Variants in TRPM8 observed in about 807,000 individuals in gnomAD.
TRPM8 encodes the protein transient receptor potential cation channel subfamily M member 8.
In TRPM8, 110 loss-of-function variants were observed where a neutral mutation model predicts 133.7. That is an observed-to-expected ratio of 0.82 (90% CI 0.70 to 0.96). TRPM8 has a LOEUF of 0.96. Ranked by LOEUF, TRPM8 falls within the 40% of genes least tolerant of loss-of-function variation. The pLI is 0.00. For synonymous variants in TRPM8, 535 were observed against 532.3 expected, an observed-to-expected ratio of 1.01 and a Z score of -0.07; for missense variants, 1,291 against 1,379.5, an observed-to-expected ratio of 0.94 and a Z score of 1.02.
chr2:233,943,107 T>C (rs1362492811), intron 6 of TRPM8: 6 of 353,968 alleles, frequency 1.7e-5, no homozygotes, highest in Non-Finnish European at 3.0e-5. Flanking sequence ...AGGATGGCTA[T>C]GTTTTTTTTT....
At chr2:233,927,914 C>CTT (rs1691592045) in intron 2 of TRPM8, among the ~76,000 whole-genome samples, 2 of 52,696 alleles carry the variant, frequency 3.8e-5, no homozygotes, top group Admixed American at 2.3e-4. Flanking sequence ...TTCTTTCTCT[C>CTT]TCTCTCTCTT....
intron 7 of TRPM8, 112 bp from the exon 8 acceptor site, chr2:233,946,976 A>G (rs757042110): frequency 1.7e-5 from 15 of 875,190 alleles, no homozygotes; most frequent in Non-Finnish European, 2.2e-5. Flanking sequence ...ATGTGAAGCT[A>G]TCTCTCCACA....
chr2:234,018,233 T>A lies in TRPM8; in HGVS notation c.*977T>A, dbSNP rs959176202. On this transcript the variant is annotated 3_prime_UTR_variant, in exon 26 of 26. Transcript: ENST00000324695. ...ACTTAGTATTTTATCAAATATGTTT[T>A]TATTATATTCATAGCCTTCTTAAAC... 1 of 152,096 alleles carries A rather than the reference T, an allele frequency of 6.6e-6. No homozygotes were observed. The highest frequency in any genetic ancestry group is 2.4e-5 in the African/African-American group (1 of 41,444). 9.4% of individuals were successfully genotyped at this position (152,096 alleles called of 1,614,324 possible). A position where few individuals can be genotyped will look rare whatever the true frequency, so the allele number is the denominator to read the frequency against.
rs1559516708 is a variant in TRPM8, at chr2:233,927,928, C to CTT, written c.117+1275_117+1276insTT. Among the ~76,000 whole-genome samples the CTT allele has an allele frequency of 9.3e-4, 41 of 44,240 alleles. 3 individuals are homozygous for CTT. Among genetic ancestry groups the CTT allele is most frequent in the South Asian group, 6.0e-3 (8 of 1,330 alleles). The allele number at this position is 44,240 out of a possible 152,430, so 29.0% of individuals were successfully genotyped here. A position where few individuals can be genotyped will look rare whatever the true frequency, so the allele number is the denominator to read the frequency against. ...TTTCTTTCTCTCTCTCTCTCTTTCTCTCTCTCTCTCTCTCTCTCTCTCTCT... is the reference window on the plus strand; with the variant it reads ...TTTCTTTCTCTCTCTCTCTCTTTCTCTTTCTCTCTCTCTCTCTCTCTCTCTCT... On this transcript the variant is annotated intron_variant, in intron 2 of 25. Coordinates refer to ENST00000324695, the MANE Select transcript of TRPM8 (RefSeq NM_024080.5).
intron 14 of TRPM8, among the ~76,000 whole-genome samples, chr2:233,966,304 C>T (rs1574735657): frequency 6.6e-6 from 1 of 152,142 alleles, no homozygotes; most frequent in African/African-American, 2.4e-5. Context: ...GGCTGAGGCT[C>T]TTCTGCCTGA....
At position 233,989,510 on chromosome 2, in the gene TRPM8, G is replaced by T. The variant is rs772899491; in HGVS notation, c.2939+3645G>T. On this transcript the variant is annotated intron_variant, in intron 21 of 25. Transcript: ENST00000324695. This position sits in a 1 kb window ranked among gnomAD's most constrained non-coding sequence, Gnocchi z 4.2. ...TGGGGACACCAGAACAGCGAGAGAC[G>T]CCGTGTTGTTATCCTTAGGTTAAAT... Among the ~76,000 whole-genome samples the T allele has an allele frequency of 6.6e-6, 1 of 152,150 alleles. No individual in the cohort carries two copies. Among genetic ancestry groups the T allele is most frequent in the African/African-American group, 2.4e-5 (1 of 41,420 alleles).
chr2:233,927,930 C>CTCTCTT (rs1691595382), intron 2 of TRPM8, among the ~76,000 whole-genome samples: 2 of 50,044 alleles, frequency 4.0e-5, no homozygotes, highest in African/African-American at 1.9e-4. Flanking sequence ...CTCTTTCTCT[C>CTCTCTT]TCTCTCTCTC....
chr2:233,927,910 C>CTT (rs1383928374), intron 2 of TRPM8, among the ~76,000 whole-genome samples: 475 of 37,856 alleles, frequency 0.013, 27 homozygotes, highest in East Asian at 0.059. Context: ...TTCTTTCTTT[C>CTT]TCTCTCTCTC....
At chr2:233,949,902 T>C in intron 8 of TRPM8, 47 bp from the exon 9 acceptor site, 1 of 1,592,036 alleles carries the variant, frequency 6.3e-7, no homozygotes, top group Non-Finnish European at 8.6e-7. Flanking sequence ...AGCTGGGTTC[T>C]GTGGACCAAG....
intron 17 of TRPM8, 191 bp from the exon 18 acceptor site, chr2:233,979,997 G>A: frequency 1.7e-6 from 1 of 596,872 alleles, no homozygotes; most frequent in South Asian, 2.2e-5. Flanking sequence ...CAGCCAGTGT[G>A]CTACCTACTT....
At position 233,985,810 on chromosome 2, in the gene TRPM8, A is replaced by T; in HGVS notation, c.2884A>T (p.Ile962Phe). 6 of 1,614,196 alleles carry T rather than the reference A, an allele frequency of 3.7e-6. No individual in the cohort carries two copies. Among genetic ancestry groups the T allele is most frequent in the Non-Finnish European group, 5.1e-6 (6 of 1,180,022 alleles). Residue 962 changes from isoleucine to phenylalanine, a missense_variant, in exon 21 of 26, where the codon ATC becomes TTC. Ile to Phe is a conservative substitution (Grantham distance 21). Around this residue, in one of 2 missense-constraint regions of TRPM8, gnomAD observed 328 missense variants for 410.6 expected, o/e 0.80. Transcript: ENST00000324695. Reference protein sequence around the residue: ...PEWITIPLVCIYMLSTNILLV... With the variant: ...PEWITIPLVCFYMLSTNILLV... Reference sequence around the variant, plus strand: ...GTGGATCACCATCCCCCTGGTGTGCATCTACATGTTATCCACCAACATCCT... The same window carrying T: ...GTGGATCACCATCCCCCTGGTGTGCTTCTACATGTTATCCACCAACATCCT...
intron 17 of TRPM8, among the ~76,000 whole-genome samples, chr2:233,976,683 A>G (rs779705578): frequency 6.6e-6 from 1 of 152,122 alleles, no homozygotes; most frequent in Non-Finnish European, 1.5e-5. Context: ...CTTTTAACTC[A>G]GCAATCCTGG....
chr2:233,995,866 G>A (rs1450327431), intron 21 of TRPM8, among the ~76,000 whole-genome samples: 2 of 151,874 alleles, frequency 1.3e-5, no homozygotes. Flanking sequence ...AAGTCATTGG[G>A]TCAAAGGGAT....
rs1355317961 is a variant in TRPM8 at position 233,927,872 on chromosome 2, T to C, written c.117+1218T>C. On this transcript the variant is annotated intron_variant, in intron 2 of 25. Transcript: ENST00000324695. Reference sequence around the variant, plus strand: ...CCTTCCTTTCTTTCTCTTTCTTTCTTTCTTTCTTTCTTTCTTTCTTTCTTT... The same window carrying C: ...CCTTCCTTTCTTTCTCTTTCTTTCTCTCTTTCTTTCTTTCTTTCTTTCTTT... 4.5e-4 allele frequency among the ~76,000 whole-genome samples: 26 copies of C among 57,912 alleles called. 2 individuals carry two copies. The highest frequency in any genetic ancestry group is 2.9e-3 in the East Asian group (3 of 1,052). The allele number at this position is 57,912 out of a possible 152,430, so 38.0% of individuals were successfully genotyped here. A position where few individuals can be genotyped will look rare whatever the true frequency, so the allele number is the denominator to read the frequency against.
At chr2:233,995,129 G>A (rs1399364860) in intron 21 of TRPM8, among the ~76,000 whole-genome samples, 6 of 152,120 alleles carry the variant, frequency 3.9e-5, no homozygotes, top group Admixed American at 2.6e-4. Flanking sequence ...TCCAAATCCC[G>A]AATTCAACAC....
chr2:233,975,128 A>G (rs1473758915), intron 17 of TRPM8, among the ~76,000 whole-genome samples: 1 of 152,202 alleles, frequency 6.6e-6, no homozygotes, highest in East Asian at 1.9e-4. Flanking sequence ...GTTGTTGCTC[A>G]GAATTGCGTG....
At chr2:233,946,214 C>A in intron 7 of TRPM8, 184 bp downstream of exon 7, 1 of 605,670 alleles carries the variant, frequency 1.7e-6, no homozygotes, top group Non-Finnish European at 2.9e-6. Context: ...CTGCCAGGGT[C>A]AATGTGGTAT....
At chr2:233,947,348 T>A in intron 8 of TRPM8, 193 bp downstream of exon 8, 1 of 1,538,832 alleles carries the variant, frequency 6.5e-7, no homozygotes, top group East Asian at 2.5e-5. Flanking sequence ...GGGAGGAGAA[T>A]TTCAGTGACA....
chr2:233,973,767 T>A (rs538596079), intron 17 of TRPM8, among the ~76,000 whole-genome samples: 2 of 152,248 alleles, frequency 1.3e-5, no homozygotes, highest in South Asian at 4.1e-4. Context: ...AGCGAGGGAA[T>A]GGGAATAGTC....
Sources: allele counts gnomAD v4.1 joint callset (sites outside exome capture counted in the v4.1 genomes callset), GRCh38; gene constraint gnomAD v4.1.1; regional missense constraint gnomAD v4.1.1; non-coding constraint Gnocchi (gnomAD v3.1); transcripts MANE v1.5; gene names NCBI Gene and HGNC (gene_info 2026-07-23, HGNC 2026-07-21).